Variants in TRAPPC8 observed in about 807,000 individuals in gnomAD.
TRAPPC8 encodes the protein trafficking protein particle complex subunit 8.
Under a neutral mutation model 174.3 loss-of-function variants are expected in TRAPPC8, and 54 were observed. The observed-to-expected ratio is 0.31, with a 90% CI of 0.25 to 0.39. The LOEUF (loss-of-function observed/expected upper bound fraction) is 0.39, where lower values mean the gene tolerates loss of function less well. Ranked by LOEUF, TRAPPC8 falls within the 10% of genes least tolerant of loss-of-function variation. The pLI is 1.00. For missense variants in TRAPPC8, 1,531 were observed against 1,699.1 expected, an observed-to-expected ratio of 0.90 and a Z score of 1.74; for synonymous variants, 630 against 579.9, an observed-to-expected ratio of 1.09 and a Z score of -1.24.
In TRAPPC8 at chr18:31,867,535, A is replaced by C. The variant is rs956015277; in HGVS notation, c.2389-59T>G. 5 of 1,109,252 alleles carry C rather than the reference A, an allele frequency of 4.5e-6. No individual in the cohort carries two copies. In the African/African-American group the frequency reaches 4.7e-5, roughly 11 times the overall value. 68.7% of individuals were successfully genotyped at this position (1,109,252 alleles called of 1,614,324 possible). A position where few individuals can be genotyped will look rare whatever the true frequency, so the allele number is the denominator to read the frequency against. On this transcript the variant is annotated intron_variant, in intron 16 of 28. Coordinates refer to ENST00000283351, the MANE Select transcript of TRAPPC8 (RefSeq NM_014939.5). ...ATGAACAAAGTATCAGATTATTAAC[A>C]CTCCTATATATCAATACTTCAAAAA...
intron 2 of TRAPPC8, among the ~76,000 whole-genome samples, chr18:31,927,622 T>C (rs1269993218): frequency 6.6e-6 from 1 of 152,094 alleles, no homozygotes; most frequent in Non-Finnish European, 1.5e-5. Context: ...AGGCTGGTCT[T>C]GAACTCCTGG....
intron 12 of TRAPPC8, among the ~76,000 whole-genome samples, chr18:31,886,651 TTC>T (rs1203010715): frequency 7.9e-5 from 12 of 152,210 alleles, no homozygotes; most frequent in Admixed American, 2.0e-4. Flanking sequence ...GCACTTTACT[TTC>T]TGATATTCTT....
chr18:31,896,094 G>T (rs1407385175), intron 11 of TRAPPC8: 1 of 152,144 alleles, frequency 6.6e-6, no homozygotes, highest in African/African-American at 2.4e-5. Flanking sequence ...AATATAATAT[G>T]ACAAGTCAGG....
In TRAPPC8 at chr18:31,890,198, C is replaced by T. The variant is rs752918660; in HGVS notation, c.1728+537G>A. ...AGCCTCCAAGAAAGCTAGCTCTCTC[C>T]GACTAATGGTTCTAGGACAACTGGG... is the stretch of plus-strand genomic sequence containing the variant. On this transcript the variant is annotated intron_variant, in intron 12 of 28. Coordinates refer to ENST00000283351, the MANE Select transcript of TRAPPC8 (RefSeq NM_014939.5). 5.9e-5 allele frequency among the ~76,000 whole-genome samples: 9 copies of T among 152,230 alleles called. No homozygotes were observed. The South Asian group carries it at 6.2e-4, about 11-fold the overall frequency.
chr18:31,846,828 C>T lies in TRAPPC8; in HGVS notation c.3736-11G>A, dbSNP rs1263676060. The T allele has an allele frequency of 1.7e-5, 27 of 1,602,142 alleles. No homozygotes were observed. The highest frequency in any genetic ancestry group is 2.0e-5 in the Non-Finnish European group (23 of 1,171,798). On this transcript the variant is annotated splice_polypyrimidine_tract_variant and intron_variant, in intron 25 of 28. Transcript: ENST00000283351. ...TTCCACAACGTATGCCTAAAAAATG[C>T]AAAGTACAAAAACGTTACCGTGCTT...
At chr18:31,939,069 C>T (rs1349246704) in intron 1 of TRAPPC8, among the ~76,000 whole-genome samples, 3 of 111,628 alleles carry the variant, frequency 2.7e-5, no homozygotes, top group Admixed American at 1.4e-4. Flanking sequence ...GGTGACAGAG[C>T]GAGACTCCGT....
Position 31,886,807 on chromosome 18 carries a change from C to G in TRAPPC8, c.1728+3928G>C, listed in dbSNP as rs143582275. On this transcript the variant is annotated intron_variant, in intron 12 of 28. Coordinates refer to ENST00000283351, the MANE Select transcript of TRAPPC8 (RefSeq NM_014939.5). ...ACCAGCTTGGCCAACATGGTGAAAC[C>G]ACGTCTCTACTAAAAACACAAAAAG... 7.7e-3 allele frequency among the ~76,000 whole-genome samples: 1,167 copies of G among 152,200 alleles called. 15 individuals are homozygous for G. The highest frequency in any genetic ancestry group is 0.026 in the African/African-American group (1,084 of 41,534).
rs2036756075 is a variant in TRAPPC8, at chr18:31,908,393, C to T, written c.1148G>A (p.Arg383Gln). ...DQLISRKGLSRSLFSATKKWF... is the reference protein window; with the variant it reads ...DQLISRKGLSQSLFSATKKWF... ...TTTTTTAGTTGCAGAAAATAGAGATCGACTCAAACCTTTTCTTGATATTAG... is the reference window on the plus strand; with the variant it reads ...TTTTTTAGTTGCAGAAAATAGAGATTGACTCAAACCTTTTCTTGATATTAG... Residue 383 changes from arginine to glutamine, a missense_variant, in exon 8 of 29, where the codon CGA becomes CAA. Arg to Gln is a conservative substitution (Grantham distance 43). Transcript: ENST00000283351. 4 of 1,591,310 alleles carry T rather than the reference C, an allele frequency of 2.5e-6. No homozygotes were observed. Among genetic ancestry groups the T allele is most frequent in the Non-Finnish European group, 2.6e-6 (3 of 1,169,528 alleles).
intron 16 of TRAPPC8, among the ~76,000 whole-genome samples, chr18:31,868,223 T>C (rs1273956615): frequency 5.3e-5 from 8 of 152,186 alleles, no homozygotes; most frequent in Admixed American, 5.2e-4. Flanking sequence ...TCATAAACGC[T>C]ATTATACTTT....
At position 31,871,100 on chromosome 18, in the gene TRAPPC8, G is replaced by T. The variant is rs1189151862; in HGVS notation, c.2083C>A (p.His695Asn). The change falls in exon 15 of 29, where the codon CAT (histidine) becomes AAT (asparagine). Residue 695 changes from histidine (H) to asparagine (N), a missense_variant. By Grantham distance (68) the His-to-Asn change is moderately conservative. Coordinates refer to ENST00000283351, the MANE Select transcript of TRAPPC8 (RefSeq NM_014939.5). Reference sequence around the variant, plus strand: ...TCATATTCTTGATCAAGACTTACATGAGTAGCTGCTTGTTTTTCACCTAAA... The same window carrying T: ...TCATATTCTTGATCAAGACTTACATTAGTAGCTGCTTGTTTTTCACCTAAA... ...PADGEKQAAT[H>N]VSLDQEYDSE... 6.4e-7 allele frequency: 1 copy of T among 1,556,910 alleles called. No homozygotes were observed. Among genetic ancestry groups the T allele is most frequent in the Non-Finnish European group, 8.7e-7 (1 of 1,147,024 alleles).
intron 12 of TRAPPC8, among the ~76,000 whole-genome samples, chr18:31,876,489 C>CAAAAAAAAAAAAA (rs71175801): frequency 0.018 from 867 of 48,696 alleles, 182 homozygotes; most frequent in Middle Eastern, 0.028. Flanking sequence ...GACTCCATCT[C>CAAAAAAAAAAAAA]AAAAAAAAAA....
chr18:31,864,411 ATT>A (rs2145155390), intron 19 of TRAPPC8, among the ~76,000 whole-genome samples: 1 of 152,186 alleles, frequency 6.6e-6, no homozygotes, highest in South Asian at 2.1e-4. Context: ...TTCCATTAAT[ATT>A]TTGAGGGTTA....
chr18:31,891,353 G>GT (rs2035947466), intron 11 of TRAPPC8: 1 of 152,054 alleles, frequency 6.6e-6, no homozygotes, highest in Non-Finnish European at 1.5e-5. Flanking sequence ...AAATTTTACT[G>GT]CATTTAAAGG....
Position 31,839,455 on chromosome 18 carries a change from C to T in TRAPPC8, c.3840G>A (p.Glu1280=), listed in dbSNP as rs141405814. ...ATTTCAATAGTTCCATTTCTGGTGG[C>T]TCCTGAGAAAAGAAAGAAAAAACAT... The part of the protein sequence containing the change: ...KEAFSYPQKQ[E]PPEMELLKFF... The change falls in exon 27 of 29, where the codon GAG becomes GAA. Residue 1280 remains glutamate, a splice_region_variant and synonymous_variant. Coordinates refer to ENST00000283351, the MANE Select transcript of TRAPPC8 (RefSeq NM_014939.5). The T allele has an allele frequency of 1.0e-5, 16 of 1,576,556 alleles. No individual in the cohort carries two copies. Among genetic ancestry groups the T allele is most frequent in the South Asian group, 4.8e-5 (4 of 82,906 alleles).
intron 26 of TRAPPC8, among the ~76,000 whole-genome samples, chr18:31,843,864 T>A (rs1479778624): frequency 6.6e-6 from 1 of 152,158 alleles, no homozygotes; most frequent in African/African-American, 2.4e-5. Flanking sequence ...AAACTGAAAA[T>A]TATTATGAAA....
intron 2 of TRAPPC8, among the ~76,000 whole-genome samples, chr18:31,920,350 G>A (rs2037328810): frequency 1.3e-5 from 2 of 152,212 alleles, no homozygotes; most frequent in Non-Finnish European, 2.9e-5. Flanking sequence ...AAAACACAAC[G>A]CGCTCATCAG....
chr18:31,856,738 C>T (rs777586320), intron 20 of TRAPPC8, among the ~76,000 whole-genome samples: 8 of 151,878 alleles, frequency 5.3e-5, no homozygotes, highest in Non-Finnish European at 1.0e-4. Flanking sequence ...AAAATATATA[C>T]AGCCGCTCCC....
intron 24 of TRAPPC8, among the ~76,000 whole-genome samples, chr18:31,850,807 T>C (rs2033667371): frequency 6.6e-6 from 1 of 152,192 alleles, no homozygotes; most frequent in African/African-American, 2.4e-5. Context: ...TCTTTCTGCC[T>C]TCACCAGTGC....
At chr18:31,920,832 T>C (rs767312225) in intron 2 of TRAPPC8, among the ~76,000 whole-genome samples, 11 of 149,742 alleles carry the variant, frequency 7.3e-5, no homozygotes, top group Non-Finnish European at 1.6e-4. Context: ...TCCCAGCTAC[T>C]AGGGAGACTG....
Sources: gnomAD v4.1 joint callset for allele counts (sites outside exome capture counted in the v4.1 genomes callset) on GRCh38, gnomAD v4.1.1 for gene constraint, MANE v1.5 for transcripts, NCBI Gene and HGNC (gene_info 2026-07-23, HGNC 2026-07-21) for gene names.